PTPRS: variants seen among roughly 807,000 people sequenced by gnomAD.
The protein encoded by PTPRS is receptor-type tyrosine-protein phosphatase S.
Under a neutral mutation model 215.3 loss-of-function variants are expected in PTPRS, and 63 were observed. The observed-to-expected ratio is 0.29, with a 90% CI of 0.24 to 0.36. The LOEUF is 0.36. Among genes scored for constraint, PTPRS ranks in the 10% least tolerant of loss-of-function variants. The pLI is 1.00. For missense variants in PTPRS, 2,258 were observed against 2,825.8 expected (o/e 0.80, Z 4.56); for synonymous variants, 1,404 against 1,191.4 (o/e 1.18, Z -3.68).
intron 30 of PTPRS, among the ~76,000 whole-genome samples, chr19:5,212,769 G>T (rs918869414): frequency 6.6e-6 from 1 of 152,020 alleles, no homozygotes; most frequent in African/African-American, 2.4e-5. Context: ...CTTGAACCTG[G>T]GAGGTGGAGA....
At chr19:5,256,014 G>A (rs540512749) in intron 9 of PTPRS, 94 bp downstream of exon 9, 37 of 1,044,852 alleles carry the variant, frequency 3.5e-5, no homozygotes, top group East Asian at 3.5e-4. Flanking sequence ...GCGTGTGTCC[G>A]TGTGGTGTCT....
intron 1 of PTPRS, among the ~76,000 whole-genome samples, chr19:5,306,581 T>C (rs1171054571): frequency 6.6e-6 from 1 of 152,230 alleles, no homozygotes; most frequent in Non-Finnish European, 1.5e-5. Context: ...GGCAAGGCTG[T>C]GCCTTGGGCG....
chr19:5,334,235 G>A (rs531521189), intron 1 of PTPRS, among the ~76,000 whole-genome samples: 114 of 152,380 alleles, frequency 7.5e-4, no homozygotes, highest in African/African-American at 1.8e-3. Context: ...GGACCCCATC[G>A]GGGGGCTGAG....
intron 1 of PTPRS, among the ~76,000 whole-genome samples, chr19:5,330,380 C>T (rs896561160): frequency 6.6e-6 from 1 of 152,200 alleles, no homozygotes; most frequent in Non-Finnish European, 1.5e-5. Context: ...AATGAGAAAA[C>T]ACAGGGCCAG....
intron 2 of PTPRS, chr19:5,278,181 G>GA: frequency 1.6e-5 from 1 of 61,664 alleles, no homozygotes; most frequent in Non-Finnish European, 3.0e-5. Flanking sequence ...TGTAGAAACT[G>GA]CCAAAAAAAA....
chr19:5,300,981 C>G (rs774392478), intron 1 of PTPRS, among the ~76,000 whole-genome samples: 2 of 152,188 alleles, frequency 1.3e-5, no homozygotes, highest in Non-Finnish European at 2.9e-5. Flanking sequence ...TGGGCAGCCA[C>G]GTTAGGGTAT....
At chr19:5,265,407 T>A (rs1232448030) in intron 4 of PTPRS, among the ~76,000 whole-genome samples, 11 of 152,126 alleles carry the variant, frequency 7.2e-5, no homozygotes, top group Non-Finnish European at 1.3e-4. Flanking sequence ...AGTGGCTCGA[T>A]CATAGCTCAC....
chr19:5,305,746 A>AAAAT (rs1555806230), intron 1 of PTPRS, among the ~76,000 whole-genome samples: 1 of 105,744 alleles, frequency 9.5e-6, no homozygotes, highest in Admixed American at 9.9e-5. Flanking sequence ...TAAATAAATA[A>AAAAT]ATATATATAT....
At chr19:5,298,380 G>C (rs2049203639) in intron 1 of PTPRS, among the ~76,000 whole-genome samples, 2 of 152,130 alleles carry the variant, frequency 1.3e-5, no homozygotes, top group African/African-American at 2.4e-5. Flanking sequence ...CCATACCCTT[G>C]ACCGGGGCAG....
chr19:5,300,097 T>G (rs1047363593), intron 1 of PTPRS, among the ~76,000 whole-genome samples: 6 of 151,394 alleles, frequency 4.0e-5, no homozygotes, highest in African/African-American at 1.5e-4. Flanking sequence ...AAAAATTAGC[T>G]GAGTGTGGTG....
intron 13 of PTPRS, among the ~76,000 whole-genome samples, chr19:5,233,709 C>T (rs1365418971): frequency 1.3e-5 from 2 of 150,510 alleles, no homozygotes; most frequent in Admixed American, 6.7e-5. Context: ...TTTGGGAGGC[C>T]GAGGTGGGTG....
At chr19:5,220,435 C>T (rs904477909) in intron 20 of PTPRS, 82 bp from the exon 21 acceptor site, 48 of 1,158,018 alleles carry the variant, frequency 4.1e-5, no homozygotes, top group Admixed American at 2.0e-4. Context: ...CGGGGGAAGC[C>T]GTTTCTCTGA....
chr19:5,273,176 C>G (rs894449553), intron 4 of PTPRS: 32 of 510,770 alleles, frequency 6.3e-5, no homozygotes, highest in South Asian at 1.8e-4. Flanking sequence ...GTTGGATCAG[C>G]CTTTTGTCAT....
chr19:5,263,614 CAACT>C (rs1468077909), intron 5 of PTPRS, among the ~76,000 whole-genome samples: 4 of 152,200 alleles, frequency 2.6e-5, no homozygotes, highest in African/African-American at 7.2e-5. Flanking sequence ...AAGCCCGGCA[CAACT>C]GAAAACAGTA....
At chr19:5,231,935 G>C (rs1439687813) in intron 13 of PTPRS, among the ~76,000 whole-genome samples, 1 of 152,238 alleles carries the variant, frequency 6.6e-6, no homozygotes, top group African/African-American at 2.4e-5. Context: ...AACTGGGTGG[G>C]GGAATAGCAA....
At chr19:5,263,416 G>T (rs1196981259) in intron 5 of PTPRS, among the ~76,000 whole-genome samples, 1 of 152,156 alleles carries the variant, frequency 6.6e-6, no homozygotes. Context: ...AGAACAGGTA[G>T]GTAGGCTCTT....
chr19:5,275,743 C>G (rs983767720), intron 2 of PTPRS, among the ~76,000 whole-genome samples: 8 of 152,082 alleles, frequency 5.3e-5, no homozygotes, highest in Non-Finnish European at 8.8e-5. Flanking sequence ...GAGATGGAGG[C>G]TGCAGTGAGC....
chr19:5,216,507 ATACACAC>A (rs1177451614), intron 26 of PTPRS, among the ~76,000 whole-genome samples: 3 of 143,810 alleles, frequency 2.1e-5, no homozygotes, highest in Non-Finnish European at 3.2e-5. Flanking sequence ...TGACACACAC[ATACACAC>A]CACACACACA....
rs531453267 is a variant in PTPRS at position 5,339,086 on chromosome 19, C to G, written c.-95+1578G>C. 1.3e-5 allele frequency among the ~76,000 whole-genome samples: 2 copies of G among 152,320 alleles called. No individual in the cohort carries two copies. The highest frequency in any genetic ancestry group is 2.4e-5 in the African/African-American group (1 of 41,574). The stretch of plus-strand genomic sequence containing the variant: ...CTGCTGCTCAGCCGGGACTCCGACA[C>G]CTCGGACACCCGCTTCACTAGCCGC... On this transcript the variant is annotated intron_variant, in intron 1 of 37. Transcript: ENST00000262963. This position sits in a 1 kb window ranked among gnomAD's most constrained non-coding sequence, Gnocchi z 4.2.
Sources: allele counts gnomAD v4.1 joint callset (sites outside exome capture counted in the v4.1 genomes callset), GRCh38; gene constraint gnomAD v4.1.1; non-coding constraint Gnocchi (gnomAD v3.1); transcripts MANE v1.5; gene names NCBI Gene and HGNC (gene_info 2026-07-23, HGNC 2026-07-21).